CFAP70: variants seen among roughly 807,000 people sequenced by gnomAD.
CFAP70 encodes cilia- and flagella-associated protein 70.
CFAP70 carries 81 observed loss-of-function variants against 137.6 expected under a neutral mutation model. The ratio of observed to expected loss-of-function variants is 0.59; its 90% confidence interval spans 0.49 to 0.71. CFAP70 has a LOEUF of 0.71. Among genes scored for constraint, CFAP70 ranks in the 30% least tolerant of loss-of-function variants. The pLI is 0.00. For missense variants in CFAP70, 976 were observed against 1,226.7 expected (o/e 0.80, Z 3.05); for synonymous variants, 382 against 423.6 (o/e 0.90, Z 1.20).
chr10:73,307,532 A>G (rs975224808), intron 12 of CFAP70, among the ~76,000 whole-genome samples: 2 of 152,224 alleles, frequency 1.3e-5, no homozygotes, highest in Non-Finnish European at 2.9e-5. Context: ...CAGATATTCC[A>G]TACAAATAGT....
At chr10:73,321,508 A>G (rs1157805101) in intron 9 of CFAP70, among the ~76,000 whole-genome samples, 3 of 152,220 alleles carry the variant, frequency 2.0e-5, no homozygotes, top group Non-Finnish European at 4.4e-5. Flanking sequence ...GTGTACAACT[A>G]GATGATGGGG....
intron 20 of CFAP70, 41 bp from the exon 22 acceptor site, chr10:73,277,402 C>G (rs1407456236): frequency 6.2e-7 from 1 of 1,600,912 alleles, no homozygotes; most frequent in East Asian, 2.2e-5. Flanking sequence ...TTGGATATAA[C>G]AGAAAAAGTG....
chr10:73,275,695 G>A lies in CFAP70; in HGVS notation c.2521-97C>T, dbSNP rs1468357511. ...TCTCTGATAATAAATAATACGAAAT[G>A]TATTACAGAATGAAATAATTATCCT... On this transcript the variant is annotated intron_variant, in intron 21 of 26. Transcript: ENST00000310715. The surrounding 1 kb of genome is among the most constrained non-coding windows in gnomAD (Gnocchi z 4.0). The A allele has an allele frequency of 1.9e-6, 2 of 1,069,304 alleles. No homozygotes were observed. The highest frequency in any genetic ancestry group is 2.6e-6 in the Non-Finnish European group (2 of 778,896). The allele number at this position is 1,069,304 out of a possible 1,614,324, so 66.2% of individuals were successfully genotyped here.
intron 19 of CFAP70, among the ~76,000 whole-genome samples, chr10:73,286,182 C>G (rs1031724238): frequency 6.6e-6 from 1 of 152,096 alleles, no homozygotes; most frequent in Non-Finnish European, 1.5e-5. Flanking sequence ...CGGTGGCTCA[C>G]GCCTGTAATC....
chr10:73,272,061 G>C (rs1005877353), intron 24 of CFAP70, among the ~76,000 whole-genome samples: 1 of 152,104 alleles, frequency 6.6e-6, no homozygotes, highest in African/African-American at 2.4e-5. Context: ...AAACAGCAAT[G>C]AGGGGCTAAG....
At chr10:73,288,043 G>A (rs1354017793) in intron 19 of CFAP70, among the ~76,000 whole-genome samples, 1 of 152,010 alleles carries the variant, frequency 6.6e-6, no homozygotes, top group Non-Finnish European at 1.5e-5. Context: ...GACTACAGGT[G>A]CCCACCACTA....
chr10:73,300,800 C>G (rs560773657), intron 12 of CFAP70, among the ~76,000 whole-genome samples: 16 of 152,238 alleles, frequency 1.1e-4, no homozygotes, highest in African/African-American at 3.4e-4. Context: ...GGCAGAGGTG[C>G]AGTGAGCTGA....
rs144020307 is a variant in CFAP70 at position 73,263,383 on chromosome 10, C to G, written c.3027+6231G>C. On this transcript the variant is annotated intron_variant, in intron 25 of 26. Transcript: ENST00000310715. ...CAGGCATGAGCCACCACGCCCAGCC[C>G]AATAATGTCTTTATGAGAAAATAAA... Among the ~76,000 whole-genome samples the G allele has an allele frequency of 8.5e-5, 13 of 152,264 alleles. No individual in the cohort carries two copies. The East Asian group carries it at 2.5e-3, about 29-fold the overall frequency.
At chr10:73,347,118 A>C (rs909123278) in intron 4 of CFAP70, 2 of 152,224 alleles carry the variant, frequency 1.3e-5, no homozygotes, top group Non-Finnish European at 1.5e-5. Flanking sequence ...ATATGTAAGT[A>C]AGTCAGGATT....
At position 73,275,674 on chromosome 10, in the gene CFAP70, T is replaced by C; in HGVS notation, c.2521-76A>G. 8.1e-7 allele frequency: 1 copy of C among 1,235,884 alleles called. No homozygotes were observed. Among genetic ancestry groups the C allele is most frequent in the Non-Finnish European group, 1.1e-6 (1 of 917,384 alleles). 76.6% of individuals were successfully genotyped at this position (1,235,884 alleles called of 1,614,324 possible). A position where few individuals can be genotyped will look rare whatever the true frequency, so the allele number is the denominator to read the frequency against. ...TTTTTCGGTTGAAGGATTCTGTCTCTGATAATAAATAATACGAAATGTATT... is the reference window on the plus strand; with the variant it reads ...TTTTTCGGTTGAAGGATTCTGTCTCCGATAATAAATAATACGAAATGTATT... On this transcript the variant is annotated intron_variant, in intron 21 of 26. Transcript: ENST00000310715. This position sits in a 1 kb window ranked among gnomAD's most constrained non-coding sequence, Gnocchi z 4.0.
chr10:73,282,788 G>A (rs141280769), intron 19 of CFAP70, among the ~76,000 whole-genome samples: 87 of 145,356 alleles, frequency 6.0e-4, no homozygotes, highest in African/African-American at 2.1e-3. Flanking sequence ...TTAGATATGC[G>A]TTGATCATTT....
intron 6 of CFAP70, among the ~76,000 whole-genome samples, chr10:73,336,040 C>G (rs1369008978): frequency 6.6e-6 from 1 of 151,416 alleles, no homozygotes; most frequent in Non-Finnish European, 1.5e-5. Context: ...ACTCACGAGG[C>G]TGAGGCAGGA....
chr10:73,278,257 A>G (rs1255737214), exon 20 of CFAP70: 3 of 1,614,108 alleles, frequency 1.9e-6, no homozygotes, highest in Non-Finnish European at 1.7e-6. Context: ...TGTGTAGTCA[A>G]AATGGGTTCT....
At chr10:73,254,881 C>T (rs372359332) in intron 26 of CFAP70, among the ~76,000 whole-genome samples, 3 of 152,126 alleles carry the variant, frequency 2.0e-5, no homozygotes, top group South Asian at 2.1e-4. Flanking sequence ...TGTGGAGCTG[C>T]GGTACGAGCC....
chr10:73,361,618 T>C (rs1564513094), upstream of CFAP70, among the ~76,000 whole-genome samples: 1 of 152,142 alleles, frequency 6.6e-6, no homozygotes, highest in Non-Finnish European at 1.5e-5. Context: ...GGAAAAAAAC[T>C]ATAAAAATAT....
At chr10:73,338,884 C>T (rs1015255587) in intron 6 of CFAP70, among the ~76,000 whole-genome samples, 3 of 151,460 alleles carry the variant, frequency 2.0e-5, no homozygotes, top group African/African-American at 7.3e-5. Context: ...TGCAGGGGTC[C>T]TGGCAACAAC....
intron 4 of CFAP70, 57 bp from the exon 5 acceptor site, chr10:73,348,292 C>T (rs775004865): frequency 6.3e-7 from 1 of 1,579,228 alleles, no homozygotes; most frequent in East Asian, 2.2e-5. Context: ...GGGATGACTG[C>T]AGGCAGAGAT....
chr10:73,337,361 G>C (rs1489150818), intron 6 of CFAP70, among the ~76,000 whole-genome samples: 1 of 152,108 alleles, frequency 6.6e-6, no homozygotes, highest in Non-Finnish European at 1.5e-5. Flanking sequence ...GCGTGTGCCT[G>C]TAATCTCAGC....
intron 22 of CFAP70, chr10:73,274,838 G>T: frequency 2.2e-6 from 1 of 463,102 alleles, no homozygotes; most frequent in Non-Finnish European, 3.8e-6. Flanking sequence ...TTTGGGTGTG[G>T]AGTAAATATT....
Sources: gnomAD v4.1 joint callset for allele counts (sites outside exome capture counted in the v4.1 genomes callset) on GRCh38, gnomAD v4.1.1 for gene constraint, Gnocchi (gnomAD v3.1) non-coding constraint, MANE v1.5 for transcripts, NCBI Gene and HGNC (gene_info 2026-07-23, HGNC 2026-07-21) for gene names.